The following DCUN1D4 variants were observed in gnomAD, a reference collection of about 807,000 sequenced individuals.
The protein encoded by DCUN1D4 is defective in cullin neddylation 1 domain containing 4.
DCUN1D4 carries 22 observed loss-of-function variants against 47.9 expected under a neutral mutation model. That is an observed-to-expected ratio of 0.46 (90% confidence interval 0.33 to 0.66). The LOEUF (loss-of-function observed/expected upper bound fraction) is 0.66, where lower values mean the gene tolerates loss of function less well. DCUN1D4 is among the 30% of genes least tolerant of loss of function. The pLI, the probability that DCUN1D4 is intolerant of heterozygous loss-of-function variation, is 0.02. For missense variants in DCUN1D4, 301 were observed against 340.8 expected (o/e 0.88, Z 0.92); for synonymous variants, 121 against 112.2 (o/e 1.08, Z -0.50).
At chr4:51,883,003 C>A (rs1728916896) in intron 5 of DCUN1D4, among the ~76,000 whole-genome samples, 1 of 152,104 alleles carries the variant, frequency 6.6e-6, no homozygotes, top group South Asian at 2.1e-4. Flanking sequence ...TCAGAATATT[C>A]TTCAGTCTCA....
At chr4:51,838,597 G>A (rs1052903217), upstream of DCUN1D4, among the ~76,000 whole-genome samples, 1 of 151,940 alleles carries the variant, frequency 6.6e-6, no homozygotes, top group Non-Finnish European at 1.5e-5. Flanking sequence ...GGCCCAGACT[G>A]GTATCAAACT....
chr4:51,842,486 T>C (rs1481539444), upstream of DCUN1D4, among the ~76,000 whole-genome samples: 1 of 152,230 alleles, frequency 6.6e-6, no homozygotes, highest in Non-Finnish European at 1.5e-5. Context: ...AGGATGGATC[T>C]TCGTAGGAGA....
rs990617969 is a variant in DCUN1D4 at position 51,899,134 on chromosome 4, G to GA, written c.507-130dup. On this transcript the variant is annotated intron_variant, in intron 7 of 10. Coordinates refer to ENST00000334635, the MANE Select transcript of DCUN1D4 (RefSeq NM_001040402.3). Reference sequence around the variant, plus strand: ...ACATTTAAAATTTTTTTTAAGTGTAGAAAAAATAGGTTATGGATGTGTTTC... The same window carrying GA: ...ACATTTAAAATTTTTTTTAAGTGTAGAAAAAAATAGGTTATGGATGTGTTTC... 3.0e-4 allele frequency: 408 copies of GA among 1,360,210 alleles called. 1 individual carries two copies. Among genetic ancestry groups the GA allele is most frequent in the Non-Finnish European group, 3.8e-4 (399 of 1,053,008 alleles). 84.3% of individuals were successfully genotyped at this position (1,360,210 alleles called of 1,614,324 possible).
chr4:51,852,371 AACT>A (rs1292857669), intron 1 of DCUN1D4, among the ~76,000 whole-genome samples: 1 of 152,252 alleles, frequency 6.6e-6, no homozygotes, highest in Non-Finnish European at 1.5e-5. Context: ...ACTAGAAAAC[AACT>A]ACTAACATCA....
intron 1 of DCUN1D4, among the ~76,000 whole-genome samples, chr4:51,847,356 A>G (rs1462703976): frequency 6.6e-6 from 1 of 152,230 alleles, no homozygotes; most frequent in East Asian, 1.9e-4. Flanking sequence ...TGTTAGAAAT[A>G]TTTGGCACTG....
intron 5 of DCUN1D4, among the ~76,000 whole-genome samples, chr4:51,879,108 T>C (rs1037809156): frequency 2.0e-5 from 3 of 152,342 alleles, no homozygotes; most frequent in East Asian, 3.9e-4. Flanking sequence ...TGGACTTTTA[T>C]GAGCTACCCC....
chr4:51,911,973 A>G (rs1012769539), intron 9 of DCUN1D4, among the ~76,000 whole-genome samples: 7 of 152,164 alleles, frequency 4.6e-5, no homozygotes, highest in Non-Finnish European at 8.8e-5. Flanking sequence ...TTCACTCTTG[A>G]ATAATCTTTC....
At chr4:51,912,423 T>C (rs555461845) in intron 9 of DCUN1D4, among the ~76,000 whole-genome samples, 1 of 152,318 alleles carries the variant, frequency 6.6e-6, no homozygotes, top group East Asian at 1.9e-4. Context: ...TTAGTTTGCA[T>C]TTTTCTTTAA....
Position 51,861,795 on chromosome 4 carries a change from C to T in DCUN1D4, c.26-1642C>T, listed in dbSNP as rs561750576. 2.6e-5 allele frequency among the ~76,000 whole-genome samples: 4 copies of T among 152,096 alleles called. No homozygotes were observed. In the East Asian group the frequency reaches 7.7e-4, roughly 29 times the overall value. ...AATCTGAGAGAGTACAAAAAGGGGG[C>T]TATGGCTTGGTAGTGGATGGGGTGG... On this transcript the variant is annotated intron_variant, in intron 1 of 10. Transcript: ENST00000334635.
upstream of DCUN1D4, among the ~76,000 whole-genome samples, chr4:51,839,217 A>G (rs1401360187): frequency 1.1e-4 from 16 of 141,766 alleles, no homozygotes; most frequent in East Asian, 4.3e-4. Context: ...GAAGGAGGGA[A>G]GGAAAGAAAG....
chr4:51,895,485 G>C (rs1047660607), intron 7 of DCUN1D4, among the ~76,000 whole-genome samples: 2 of 143,180 alleles, frequency 1.4e-5, no homozygotes, highest in Non-Finnish European at 3.0e-5. Flanking sequence ...GCACTCCTGA[G>C]ATCATTCCCC....
chr4:51,909,050 A>G (rs1286042221), intron 8 of DCUN1D4: 3 of 453,550 alleles, frequency 6.6e-6, no homozygotes, highest in Non-Finnish European at 1.3e-5. Flanking sequence ...TCACTGCCAA[A>G]CATATGCATT....
chr4:51,844,991 A>G, intron 1 of DCUN1D4: 1 of 985,236 alleles, frequency 1.0e-6, no homozygotes, highest in Non-Finnish European at 1.2e-6. Context: ...GGAGAGGGAG[A>G]GCCCACGCCA....
At chr4:51,912,243 T>C (rs1418045034) in intron 9 of DCUN1D4, among the ~76,000 whole-genome samples, 1 of 152,158 alleles carries the variant, frequency 6.6e-6, no homozygotes, top group East Asian at 1.9e-4. Flanking sequence ...TCAGAGAGTT[T>C]AGCTGGATTT....
intron 5 of DCUN1D4, 115 bp downstream of exon 5, chr4:51,877,969 GTGTCCC>G: frequency 1.6e-6 from 1 of 611,116 alleles, no homozygotes; most frequent in Non-Finnish European, 2.6e-6. Context: ...GTGTGTGTGT[GTGTCCC>G]TGTTAGAGGG....
intron 1 of DCUN1D4, among the ~76,000 whole-genome samples, chr4:51,847,142 C>T (rs754498367): frequency 3.3e-5 from 5 of 152,140 alleles, no homozygotes; most frequent in African/African-American, 7.2e-5. Context: ...GAGAAGAATG[C>T]GCTGGGTTGG....
At position 51,913,520 on chromosome 4, in the gene DCUN1D4, T is replaced by C; in HGVS notation, c.824-9T>C. On this transcript the variant is annotated splice_polypyrimidine_tract_variant and intron_variant, in intron 10 of 10. Transcript: ENST00000334635. ...TTATTATTACTACTGTTTCTCTCTT[T>C]CTCTCCAGGGCCAGTTTTGTTGGAC... 1 of 1,611,410 alleles carries C rather than the reference T, an allele frequency of 6.2e-7. No individual in the cohort carries two copies. Among genetic ancestry groups the C allele is most frequent in the Non-Finnish European group, 8.5e-7 (1 of 1,178,384 alleles).
intron 7 of DCUN1D4, among the ~76,000 whole-genome samples, chr4:51,895,965 T>C (rs190371876): frequency 1.3e-5 from 2 of 152,272 alleles, no homozygotes; most frequent in East Asian, 3.9e-4. Context: ...TAGAGTCCTC[T>C]GAAGATGTGT....
chr4:51,910,521 A>G (rs2110139383), intron 8 of DCUN1D4, among the ~76,000 whole-genome samples: 1 of 152,236 alleles, frequency 6.6e-6, no homozygotes, highest in Non-Finnish European at 1.5e-5. Flanking sequence ...CTATCCTCTG[A>G]TTTAGAGAGA....
Sources: allele counts gnomAD v4.1 joint callset (sites outside exome capture counted in the v4.1 genomes callset), GRCh38; gene constraint gnomAD v4.1.1; transcripts MANE v1.5; gene names NCBI Gene and HGNC (gene_info 2026-07-23, HGNC 2026-07-21).